Variants in CATSPER3 observed in about 807,000 individuals in gnomAD.
CATSPER3 encodes cation channel sperm-associated protein 3.
CATSPER3 carries 23 observed loss-of-function variants against 36.6 expected under a neutral mutation model. The ratio of observed to expected loss-of-function variants is 0.63; its 90% CI spans 0.45 to 0.89. CATSPER3 has a LOEUF of 0.89. Ranked by LOEUF, CATSPER3 falls within the 40% of genes least tolerant of loss-of-function variation. The pLI is 0.00. For synonymous variants in CATSPER3, 172 were observed against 184.1 expected (o/e 0.93, Z 0.53); for missense variants, 474 against 503.9 (o/e 0.94, Z 0.57).
At chr5:135,010,344 C>G (rs780414375) in intron 6 of CATSPER3, 29 bp from the exon 7 acceptor site, 1 of 1,609,034 alleles carries the variant, frequency 6.2e-7, no homozygotes, top group Non-Finnish European at 8.5e-7. Flanking sequence ...CTCCTCATCA[C>G]TGCTCTCTCG....
rs1319175252 is a variant in CATSPER3 at position 135,007,988 on chromosome 5, A to G, written c.524A>G (p.Tyr175Cys). The G allele has an allele frequency of 6.2e-7, 1 of 1,614,032 alleles. No homozygotes were observed. The highest frequency in any genetic ancestry group is 1.1e-5 in the South Asian group (1 of 91,080). The change falls in exon 4 of 8, where the codon TAC becomes TGC. Residue 175 changes from tyrosine to cysteine, a missense_variant. Coordinates refer to ENST00000282611, the MANE Select transcript of CATSPER3 (RefSeq NM_178019.3). ...ATCACCGCCGTGGGGCAGACAGTCT[A>G]CACCGTGGCCTCTGTGCTCCTCCTG... ...TLITAVGQTV[Y>C]TVASVLLLLF...
chr5:135,007,805 C>CT, intron 3 of CATSPER3, 152 bp from the exon 4 acceptor site: 54 of 47,920 alleles, frequency 1.1e-3, no homozygotes, highest in Middle Eastern at 8.3e-3. Context: ...AACCAACCAA[C>CT]CCACCCACCC....
chr5:134,999,473 G>A (rs2149551449), intron 3 of CATSPER3, among the ~76,000 whole-genome samples: 2 of 152,216 alleles, frequency 1.3e-5, no homozygotes, highest in African/African-American at 4.8e-5. Flanking sequence ...GATGGGGATG[G>A]CATTGAATCT....
At chr5:134,990,313 T>C (rs1299403041) in intron 2 of CATSPER3, among the ~76,000 whole-genome samples, 1 of 152,138 alleles carries the variant, frequency 6.6e-6, no homozygotes, top group Non-Finnish European at 1.5e-5. Context: ...GAACATTGGC[T>C]CAGTCTGGAA....
At chr5:134,971,096 C>T (rs1488044002) in intron 2 of CATSPER3, among the ~76,000 whole-genome samples, 1 of 151,954 alleles carries the variant, frequency 6.6e-6, no homozygotes, top group African/African-American at 2.4e-5. Flanking sequence ...ATTACAGGCG[C>T]CCGCCACAAC....
At chr5:134,979,466 CTGAGAGCCAGG>C (rs1478356697) in intron 2 of CATSPER3, among the ~76,000 whole-genome samples, 4 of 152,192 alleles carry the variant, frequency 2.6e-5, no homozygotes, top group Non-Finnish European at 4.4e-5. Flanking sequence ...CCATTTTGAC[CTGAGAGCCAGG>C]TGAAGGACTG....
intron 2 of CATSPER3, among the ~76,000 whole-genome samples, chr5:134,991,326 A>G (rs1751875724): frequency 6.6e-6 from 1 of 152,208 alleles, no homozygotes; most frequent in Admixed American, 6.5e-5. Flanking sequence ...AAAGGCCCCA[A>G]ATAGCTAAAA....
chr5:134,979,536 C>A (rs1751722772), intron 2 of CATSPER3, among the ~76,000 whole-genome samples: 1 of 152,132 alleles, frequency 6.6e-6, no homozygotes, highest in Non-Finnish European at 1.5e-5. Flanking sequence ...TTTCTCAAAG[C>A]AGAAAGGTGG....
At chr5:134,975,454 A>G (rs1263545344) in intron 2 of CATSPER3, 1 of 152,992 alleles carries the variant, frequency 6.5e-6, no homozygotes, top group Non-Finnish European at 1.5e-5. Flanking sequence ...CAAACAAACA[A>G]ACAAACAAAA....
intron 1 of CATSPER3, 196 bp downstream of exon 1, chr5:134,968,285 ATGACCAGTT>A (rs776888201): frequency 4.4e-4 from 257 of 589,258 alleles, no homozygotes; most frequent in Non-Finnish European, 6.6e-4. Flanking sequence ...GTAGACTTGA[ATGACCAGTT>A]TGACCAGTTT....
At chr5:135,009,337 G>A in intron 5 of CATSPER3, 34 bp from the exon 6 acceptor site, 3 of 1,609,532 alleles carry the variant, frequency 1.9e-6, no homozygotes, top group Non-Finnish European at 2.5e-6. Flanking sequence ...TGTAGCGAGA[G>A]CCTGTAGTTG....
At chr5:135,011,174 T>A (rs2149554545) in intron 7 of CATSPER3, among the ~76,000 whole-genome samples, 1 of 152,302 alleles carries the variant, frequency 6.6e-6, no homozygotes, top group African/African-American at 2.4e-5. Flanking sequence ...TGAAAGCTGC[T>A]TGGAGGGCTT....
rs1320314375 is a variant in CATSPER3, at chr5:134,978,759, G to A, written c.252+8667G>A. 4.8e-5 allele frequency among the ~76,000 whole-genome samples: 7 copies of A among 144,920 alleles called. No homozygotes were observed. In the East Asian group the frequency reaches 1.0e-3, roughly 21 times the overall value. ...TTTTGAGACAGAGTCTTGCTCTGTT[G>A]CCCAGGTTGGAGTGCAGTGGGGCCA... On this transcript the variant is annotated intron_variant, in intron 2 of 7. Transcript: ENST00000282611.
At position 134,989,540 on chromosome 5, in the gene CATSPER3, T is replaced by C. The variant is rs78760502; in HGVS notation, c.253-6733T>C. Reference sequence around the variant, plus strand: ...TTTATGTTGTGGAGATAAGTTATTTTCTCAAACCTCAAGAACCAACCTCTG... The same window carrying C: ...TTTATGTTGTGGAGATAAGTTATTTCCTCAAACCTCAAGAACCAACCTCTG... On this transcript the variant is annotated intron_variant, in intron 2 of 7. Transcript: ENST00000282611. Among the ~76,000 whole-genome samples, 176 of 152,326 alleles carry C rather than the reference T, an allele frequency of 1.2e-3. 2 individuals are homozygous for C. In the East Asian group the frequency reaches 0.03, roughly 26 times the overall value.
intron 2 of CATSPER3, among the ~76,000 whole-genome samples, chr5:134,992,272 G>A (rs1158839513): frequency 6.6e-6 from 1 of 152,036 alleles, no homozygotes; most frequent in African/African-American, 2.4e-5. Context: ...ATCTAAAAAT[G>A]GGCAAAAGAC....
At chr5:134,973,291 G>A (rs1751628214) in intron 2 of CATSPER3, among the ~76,000 whole-genome samples, 1 of 152,182 alleles carries the variant, frequency 6.6e-6, no homozygotes, top group Non-Finnish European at 1.5e-5. Context: ...AGTGAAGATA[G>A]AGTATGACTA....
Position 134,968,122 on chromosome 5 carries a change from A to G in CATSPER3, c.98+33A>G. On this transcript the variant is annotated intron_variant, in intron 1 of 7. Coordinates refer to ENST00000282611, the MANE Select transcript of CATSPER3 (RefSeq NM_178019.3). ...TTATCTATCTCCATTGCCTGTTAAG[A>G]AATGTGCTAGTAGAAGTGTGAGGGC... 6 of 1,457,108 alleles carry G rather than the reference A, an allele frequency of 4.1e-6. No individual in the cohort carries two copies. The South Asian group carries it at 6.8e-5, about 17-fold the overall frequency. 90.3% of individuals were successfully genotyped at this position (1,457,108 alleles called of 1,614,324 possible). A position where few individuals can be genotyped will look rare whatever the true frequency, so the allele number is the denominator to read the frequency against.
chr5:134,976,995 C>T (rs1158149882), intron 2 of CATSPER3, among the ~76,000 whole-genome samples: 1 of 152,170 alleles, frequency 6.6e-6, no homozygotes. Context: ...TGGGCCTGGC[C>T]CCAGAAATCA....
chr5:134,975,919 C>T (rs1004753402), intron 2 of CATSPER3, among the ~76,000 whole-genome samples: 1 of 152,146 alleles, frequency 6.6e-6, no homozygotes, highest in East Asian at 1.9e-4. Context: ...GCTATATATA[C>T]ACAATAGAAT....
Sources: allele counts gnomAD v4.1 joint callset (sites outside exome capture counted in the v4.1 genomes callset), GRCh38; gene constraint gnomAD v4.1.1; transcripts MANE v1.5; gene names NCBI Gene and HGNC (gene_info 2026-07-23, HGNC 2026-07-21).